Variants in INPP5B observed in about 807,000 individuals in gnomAD.
INPP5B encodes the protein type II inositol 1,4,5-trisphosphate 5-phosphatase.
Under a neutral mutation model 118.5 loss-of-function variants are expected in INPP5B, and 90 were observed. That is an observed-to-expected ratio of 0.76 (90% CI 0.64 to 0.90). The LOEUF (loss-of-function observed/expected upper bound fraction) is 0.90, where lower values mean the gene tolerates loss of function less well. Among genes scored for constraint, INPP5B ranks in the 40% least tolerant of loss-of-function variants. INPP5B has a pLI of 0.00. For missense variants in INPP5B, 984 were observed against 1,125.6 expected, an observed-to-expected ratio of 0.87 and a Z score of 1.80; for synonymous variants, 385 against 418.9, an observed-to-expected ratio of 0.92 and a Z score of 0.99.
At chr1:37,875,792 A>G in intron 16 of INPP5B, 76 bp from the exon 17 acceptor site, 1 of 1,003,348 alleles carries the variant, frequency 1.0e-6, no homozygotes, top group Non-Finnish European at 1.6e-6. Context: ...CGGCATTCAC[A>G]GCACTGGGAA....
intron 6 of INPP5B, among the ~76,000 whole-genome samples, 175 bp from the exon 7 acceptor site, chr1:37,932,228 G>GTACT (rs1645511262): frequency 6.6e-6 from 1 of 152,158 alleles, no homozygotes; most frequent in African/African-American, 2.4e-5. Flanking sequence ...TTCCAAGGCA[G>GTACT]AGACCACCGC....
intron 7 of INPP5B, 29 bp from the exon 8 acceptor site, chr1:37,891,483 T>C (rs756334382): frequency 1.9e-5 from 28 of 1,491,280 alleles, no homozygotes; most frequent in Admixed American, 5.0e-5. Flanking sequence ...AATTAAAATA[T>C]ACATACATAG....
intron 6 of INPP5B, among the ~76,000 whole-genome samples, chr1:37,934,219 CA>C (rs774722107): frequency 4.2e-4 from 64 of 152,248 alleles, no homozygotes; most frequent in Middle Eastern, 3.4e-3. Context: ...AGGTGTGAGC[CA>C]CCCCATCCGG....
intron 7 of INPP5B, among the ~76,000 whole-genome samples, chr1:37,893,258 AT>A (rs1369147598): frequency 6.6e-6 from 1 of 150,522 alleles, no homozygotes; most frequent in African/African-American, 2.4e-5. Context: ...AACTTTTTGT[AT>A]TTTTTTGTAG....
At chr1:37,880,313 AG>A (rs1643117752) in intron 14 of INPP5B, 119 bp from the exon 15 acceptor site, 1 of 699,388 alleles carries the variant, frequency 1.4e-6, no homozygotes, top group Non-Finnish European at 2.4e-6. Flanking sequence ...AAGCCCCAAA[AG>A]AAAGTTATTC....
rs1179869275 is a variant in INPP5B, at chr1:37,877,342, A to G, written c.1677+846T>C. ...GGGTGACAGAGCGAGACTCCATCTCAACAGAAAAAAAAAAAAAGGAAAGGA... is the reference window on the plus strand; with the variant it reads ...GGGTGACAGAGCGAGACTCCATCTCGACAGAAAAAAAAAAAAAGGAAAGGA... On this transcript the variant is annotated intron_variant, in intron 16 of 23. Coordinates refer to ENST00000373024, the MANE Select transcript of INPP5B (RefSeq NM_005540.3). 2.0e-5 allele frequency among the ~76,000 whole-genome samples: 3 copies of G among 151,646 alleles called. No individual in the cohort carries two copies. The East Asian group carries it at 5.8e-4, about 29-fold the overall frequency.
chr1:37,869,145 A>G (rs1036689495), intron 19 of INPP5B, among the ~76,000 whole-genome samples: 4 of 152,178 alleles, frequency 2.6e-5, no homozygotes, highest in African/African-American at 9.6e-5. Context: ...GGCGTGTGCC[A>G]TCACGCCCGG....
chr1:37,865,276 TGTA>T (rs377587168), intron 22 of INPP5B, among the ~76,000 whole-genome samples: 18 of 152,324 alleles, frequency 1.2e-4, no homozygotes, highest in East Asian at 1.2e-3. Context: ...CAAGGCCTGT[TGTA>T]TGTGTGAACC....
intron 6 of INPP5B, among the ~76,000 whole-genome samples, chr1:37,939,311 C>T (rs796260268): frequency 1.4e-4 from 22 of 151,732 alleles, no homozygotes; most frequent in African/African-American, 5.1e-4. Context: ...TTGCAGTGAG[C>T]CGAGATCGCG....
intron 7 of INPP5B, among the ~76,000 whole-genome samples, chr1:37,894,681 C>A (rs1643958305): frequency 6.6e-6 from 1 of 151,802 alleles, no homozygotes; most frequent in Non-Finnish European, 1.5e-5. Flanking sequence ...CCTGCCTCAG[C>A]CTCCCGAGTA....
chr1:37,935,508 C>G (rs1041064624), intron 6 of INPP5B, among the ~76,000 whole-genome samples: 1 of 151,404 alleles, frequency 6.6e-6, no homozygotes, highest in African/African-American at 2.4e-5. Flanking sequence ...GTTCTTATCT[C>G]TGCGGATGAA....
At chr1:37,940,524 C>A (rs1397441928) in intron 6 of INPP5B, among the ~76,000 whole-genome samples, 164 bp downstream of exon 6, 1 of 152,166 alleles carries the variant, frequency 6.6e-6, no homozygotes, top group Non-Finnish European at 1.5e-5. Flanking sequence ...AAAGCAAACA[C>A]CATGGTTGGC....
chr1:37,938,069 A>G (rs1329420109), intron 6 of INPP5B, among the ~76,000 whole-genome samples: 1 of 151,250 alleles, frequency 6.6e-6, no homozygotes, highest in Non-Finnish European at 1.5e-5. Context: ...TCAGGAGTTC[A>G]AGACCAGCCT....
At chr1:37,903,449 G>A (rs1043601119) in intron 7 of INPP5B, among the ~76,000 whole-genome samples, 29 of 152,298 alleles carry the variant, frequency 1.9e-4, no homozygotes, top group Non-Finnish European at 1.5e-4. Context: ...AAATGGGGCC[G>A]GACGCAGTGG....
At chr1:37,869,336 G>C (rs1642257522) in intron 19 of INPP5B, among the ~76,000 whole-genome samples, 1 of 150,524 alleles carries the variant, frequency 6.6e-6, no homozygotes, top group Admixed American at 6.6e-5. Context: ...TTTGAGGTGG[G>C]GTCTCGCTAT....
intron 14 of INPP5B, among the ~76,000 whole-genome samples, chr1:37,880,724 C>T (rs9701812): frequency 0.33 from 50,498 of 151,312 alleles, 9,653 homozygotes; most frequent in Middle Eastern, 0.43. Context: ...TCAGCCACAG[C>T]GCCTAGCCTA....
rs746875819 is a variant in INPP5B, at chr1:37,943,721, G to GC, written c.251-53dup. 250 of 1,612,328 alleles carry GC rather than the reference G, an allele frequency of 1.6e-4. 1 individual carries two copies. The highest frequency in any genetic ancestry group is 1.9e-4 in the Non-Finnish European group (221 of 1,178,714). On this transcript the variant is annotated intron_variant, in intron 4 of 23. Transcript: ENST00000373024. Reference sequence around the variant, plus strand: ...TTAGCAATTGAGCTTACTCCCCCTTGCCCCCCCATCAAGGACAAAGATGAG... The same window carrying GC: ...TTAGCAATTGAGCTTACTCCCCCTTGCCCCCCCCATCAAGGACAAAGATGAG...
At chr1:37,930,359 G>A (rs1173320900) in intron 7 of INPP5B, 2 of 152,246 alleles carry the variant, frequency 1.3e-5, no homozygotes, top group Non-Finnish European at 2.9e-5. Flanking sequence ...CAGCTAACTG[G>A]CTTCAGAGCT....
chr1:37,925,519 C>T lies in INPP5B; in HGVS notation c.532+6394G>A, dbSNP rs568112116. 3.3e-5 allele frequency among the ~76,000 whole-genome samples: 5 copies of T among 152,278 alleles called. 1 individual carries two copies. The South Asian group carries it at 6.2e-4, about 19-fold the overall frequency. On this transcript the variant is annotated intron_variant, in intron 7 of 23. Transcript: ENST00000373024. ...CTCCGAGTAGCTGGGACTACAGGTGCGCACCACTGTGCCGGGCTAACAGTA... is the reference window on the plus strand; with the variant it reads ...CTCCGAGTAGCTGGGACTACAGGTGTGCACCACTGTGCCGGGCTAACAGTA...
Sources: gnomAD v4.1 joint callset for allele counts (sites outside exome capture counted in the v4.1 genomes callset) on GRCh38, gnomAD v4.1.1 for gene constraint, MANE v1.5 for transcripts, NCBI Gene and HGNC (gene_info 2026-07-23, HGNC 2026-07-21) for gene names.